Variants in RGS6 observed in about 807,000 individuals in gnomAD.
RGS6 encodes regulator of G-protein signaling 6.
In RGS6, 30 loss-of-function variants were observed where a neutral mutation model predicts 78.5. The observed-to-expected ratio is 0.38, with a 90% CI of 0.29 to 0.52. RGS6 has a LOEUF of 0.52. RGS6 is among the 20% of genes least tolerant of loss of function. The pLI, the probability that RGS6 is intolerant of heterozygous loss-of-function variation, is 0.85. For missense variants in RGS6, 495 were observed against 609.7 expected (o/e 0.81, Z 1.98); for synonymous variants, 206 against 206.0 (o/e 1.00, Z 0.00).
At chr14:72,464,417 G>A (rs533936443) in intron 6 of RGS6, among the ~76,000 whole-genome samples, 17 of 152,332 alleles carry the variant, frequency 1.1e-4, no homozygotes, top group South Asian at 4.1e-4. Context: ...ACAATTCGCC[G>A]GGTGGAAGCA....
At position 71,954,328 on chromosome 14, in the gene RGS6, A is replaced by G. The variant is rs1044906890; in HGVS notation, c.-20-10444A>G. ...ATGTTACAGCTTTTTATATTGTTCT[A>G]TAGTTCCTGAATATTCTGCTCTGGT... On this transcript the variant is annotated intron_variant, in intron 1 of 17. Coordinates refer to ENST00000553525, the MANE Select transcript of RGS6 (RefSeq NM_001204424.2). 9.2e-5 allele frequency among the ~76,000 whole-genome samples: 14 copies of G among 151,644 alleles called. No homozygotes were observed. In the East Asian group the frequency reaches 2.1e-3, roughly 23 times the overall value.
At chr14:72,323,978 A>T (rs987252959) in intron 2 of RGS6, among the ~76,000 whole-genome samples, 6 of 152,050 alleles carry the variant, frequency 3.9e-5, no homozygotes, top group African/African-American at 1.2e-4. Flanking sequence ...ATATGTAATC[A>T]TCACATTAGG....
At chr14:72,190,085 G>T (rs1395733042) in intron 2 of RGS6, among the ~76,000 whole-genome samples, 3 of 152,060 alleles carry the variant, frequency 2.0e-5, no homozygotes, top group African/African-American at 7.2e-5. Context: ...GCCAACCTGT[G>T]TACCCCTTTT....
the RGS6 span, among the ~76,000 whole-genome samples, chr14:72,579,996 A>G: frequency 6.6e-6 from 1 of 152,358 alleles, no homozygotes. Flanking sequence ...ATATCAGCTT[A>G]TCAGCTAAGG....
chr14:72,211,132 C>T (rs2044033589), intron 2 of RGS6, among the ~76,000 whole-genome samples: 2 of 152,124 alleles, frequency 1.3e-5, no homozygotes, highest in Admixed American at 1.3e-4. Context: ...TAATCTTGGC[C>T]ATAACCTAGA....
At chr14:72,340,928 A>T (rs140137933) in intron 2 of RGS6, among the ~76,000 whole-genome samples, 33 of 152,310 alleles carry the variant, frequency 2.2e-4, no homozygotes, top group Non-Finnish European at 3.7e-4. Flanking sequence ...CTTCAGTAAC[A>T]GAGAATATGA....
chr14:72,349,256 GGTTCA>G (rs2078665099), intron 2 of RGS6, among the ~76,000 whole-genome samples: 1 of 152,132 alleles, frequency 6.6e-6, no homozygotes, highest in South Asian at 2.1e-4. Context: ...TCTAGCAATG[GGTTCA>G]GTACCATTTG....
chr14:72,229,594 A>G (rs2049025960), intron 2 of RGS6, among the ~76,000 whole-genome samples: 1 of 152,214 alleles, frequency 6.6e-6, no homozygotes, highest in Admixed American at 6.5e-5. Flanking sequence ...AGAGTCATTT[A>G]GGGCCTTTGT....
At chr14:72,261,594 A>G (rs1409361038) in intron 2 of RGS6, among the ~76,000 whole-genome samples, 2 of 151,496 alleles carry the variant, frequency 1.3e-5, no homozygotes, top group African/African-American at 4.9e-5. Context: ...TAATAATGAG[A>G]AAAAAAAAGA....
At chr14:72,524,381 C>T (rs77450034) in intron 15 of RGS6, among the ~76,000 whole-genome samples, 5,302 of 152,306 alleles carry the variant, frequency 0.035, 135 homozygotes, top group Non-Finnish European at 0.051. Context: ...TGGGGCATGT[C>T]ATATAAAGCT....
chr14:71,937,927 G>A (rs1050254911), intron 1 of RGS6, among the ~76,000 whole-genome samples: 1 of 152,188 alleles, frequency 6.6e-6, no homozygotes, highest in Non-Finnish European at 1.5e-5. Context: ...TCTGCTGCTG[G>A]CAATTTGGGC....
chr14:71,879,814 T>A, the RGS6 span, among the ~76,000 whole-genome samples: 3 of 152,144 alleles, frequency 2.0e-5, no homozygotes, highest in South Asian at 4.1e-4. Flanking sequence ...ATACAGTCAA[T>A]TGGTACTGGT....
the RGS6 span, among the ~76,000 whole-genome samples, chr14:72,611,317 A>T: frequency 6.6e-6 from 1 of 152,234 alleles, no homozygotes; most frequent in Non-Finnish European, 1.5e-5. Context: ...TGTCAACACA[A>T]ACAACTGAGA....
chr14:72,548,661 G>C (rs1400479752), intron 17 of RGS6, among the ~76,000 whole-genome samples: 1 of 152,156 alleles, frequency 6.6e-6, no homozygotes, highest in Non-Finnish European at 1.5e-5. Flanking sequence ...GCTAGAGAGA[G>C]AAAGTGACCC....
intron 2 of RGS6, among the ~76,000 whole-genome samples, chr14:72,026,897 A>T (rs1193045106): frequency 6.6e-6 from 1 of 152,028 alleles, no homozygotes; most frequent in Non-Finnish European, 1.5e-5. Flanking sequence ...GGCAGGTGCT[A>T]GGGGGGGCTA....
At chr14:72,423,767 G>A (rs2153116933) in intron 3 of RGS6, among the ~76,000 whole-genome samples, 1 of 152,250 alleles carries the variant, frequency 6.6e-6, no homozygotes, top group East Asian at 1.9e-4. Flanking sequence ...TCAAACCTCA[G>A]CGACATGCAA....
At chr14:72,493,767 A>AG (rs746149560) in intron 12 of RGS6, among the ~76,000 whole-genome samples, 13 of 148,054 alleles carry the variant, frequency 8.8e-5, no homozygotes, top group Admixed American at 3.4e-4. Flanking sequence ...ACTGCATACC[A>AG]GAAAAAAAAA....
chr14:71,890,038 C>T, the RGS6 span, among the ~76,000 whole-genome samples: 2 of 152,292 alleles, frequency 1.3e-5, no homozygotes, highest in East Asian at 3.9e-4. Flanking sequence ...ATTGGAAGCT[C>T]TCTGAGGCCC....
At position 72,321,552 on chromosome 14, in the gene RGS6, A is replaced by G. The variant is rs76466874; in HGVS notation, c.85-30543A>G. On this transcript the variant is annotated intron_variant, in intron 2 of 17. Transcript: ENST00000553525. ...CCAACAAAAAGGAAAGTAGAGGCCA[A>G]TAATCTTAGAATAAAACAAGGTTGA... 5.1e-3 allele frequency among the ~76,000 whole-genome samples: 774 copies of G among 152,180 alleles called. 2 individuals carry two copies. Among genetic ancestry groups the G allele is most frequent in the Non-Finnish European group, 8.7e-3 (592 of 67,894 alleles).
Sources: allele counts gnomAD v4.1 joint callset (sites outside exome capture counted in the v4.1 genomes callset), GRCh38; gene constraint gnomAD v4.1.1; transcripts MANE v1.5; gene names NCBI Gene and HGNC (gene_info 2026-07-23, HGNC 2026-07-21).